Variants in CACNA1A observed in about 807,000 individuals in gnomAD.
CACNA1A encodes the protein calcium voltage-gated channel subunit alpha1 A, also known as voltage-dependent P/Q-type calcium channel subunit alpha-1A.
Under a neutral mutation model 262.4 loss-of-function variants are expected in CACNA1A, and 57 were observed. That is an observed-to-expected ratio of 0.22 (90% confidence interval 0.18 to 0.27). The LOEUF is 0.27. Among genes scored for constraint, CACNA1A ranks in the 10% least tolerant of loss-of-function variants. The pLI is 1.00. For synonymous variants in CACNA1A, 1,431 were observed against 1,419.3 expected (o/e 1.01, Z -0.18); for missense variants, 2,526 against 3,562.8 (o/e 0.71, Z 7.41).
At chr19:13,378,460 G>C (rs947045391) in intron 3 of CACNA1A, among the ~76,000 whole-genome samples, 12 of 152,142 alleles carry the variant, frequency 7.9e-5, no homozygotes, top group African/African-American at 2.9e-4. Context: ...TTTCGTGAAA[G>C]GAAGAGTCGA....
At position 13,298,641 on chromosome 19, in the gene CACNA1A, C is replaced by G; in HGVS notation, c.2992G>C (p.Gly998Arg). The G allele has an allele frequency of 6.6e-7, 1 of 1,520,620 alleles. No individual in the cohort carries two copies. The highest frequency in any genetic ancestry group is 8.8e-7 in the Non-Finnish European group (1 of 1,133,952). The allele number at this position is 1,520,620 out of a possible 1,614,324, so 94.2% of individuals were successfully genotyped here. A position where few individuals can be genotyped will look rare whatever the true frequency, so the allele number is the denominator to read the frequency against. Reference sequence around the variant, plus strand: ...CGGTGCCTTCTCCTGCGCTCGCCCCCGTCGGGGCCCTCGCCCTCGCCCTCG... The same window carrying G: ...CGGTGCCTTCTCCTGCGCTCGCCCCGGTCGGGGCCCTCGCCCTCGCCCTCG... ...GGEGEGEGPDGGERRRRHRHG... is the reference protein window; with the variant it reads ...GGEGEGEGPDRGERRRRHRHG... The change falls in exon 19 of 47, where the codon GGG (glycine) becomes CGG (arginine). Residue 998 changes from glycine (G) to arginine (R), a missense_variant. Coordinates refer to ENST00000360228, the MANE Select transcript of CACNA1A (RefSeq NM_001127222.2).
At chr19:13,254,151 C>T (rs868639940) in intron 29 of CACNA1A, among the ~76,000 whole-genome samples, 3 of 152,176 alleles carry the variant, frequency 2.0e-5, no homozygotes, top group Non-Finnish European at 2.9e-5. Context: ...TTATCATTCC[C>T]ATTTTATTGA....
intron 29 of CACNA1A, 84 bp downstream of exon 29, chr19:13,255,011 C>T (rs1297644909): frequency 2.1e-6 from 3 of 1,439,294 alleles, no homozygotes; most frequent in Non-Finnish European, 2.9e-6. Flanking sequence ...GTCTGGGAAA[C>T]TGCAGATGGT....
chr19:13,285,491 C>G (rs1179603524), intron 20 of CACNA1A, among the ~76,000 whole-genome samples: 1 of 152,092 alleles, frequency 6.6e-6, no homozygotes, highest in Non-Finnish European at 1.5e-5. Flanking sequence ...CCCAGGCGGC[C>G]TGGCCCCCGA....
At chr19:13,459,946 A>T (rs890280966) in intron 1 of CACNA1A, among the ~76,000 whole-genome samples, 9 of 151,990 alleles carry the variant, frequency 5.9e-5, no homozygotes, top group Non-Finnish European at 4.4e-5. Flanking sequence ...TGGCAATAAA[A>T]CCTTAGCACG....
At chr19:13,495,869 A>ACACCAATCCATCCAGTCATC (rs1981440237) in intron 1 of CACNA1A, among the ~76,000 whole-genome samples, 1 of 151,794 alleles carries the variant, frequency 6.6e-6, no homozygotes, top group African/African-American at 2.4e-5. Flanking sequence ...ATTCACTCAT[A>ACACCAATCCATCCAGTCATC]CACCAATCCA....
At chr19:13,425,919 G>A (rs1205278391) in intron 3 of CACNA1A, among the ~76,000 whole-genome samples, 1 of 152,144 alleles carries the variant, frequency 6.6e-6, no homozygotes, top group Non-Finnish European at 1.5e-5. Context: ...TTAGCTGGGT[G>A]TGGTGGCACA....
chr19:13,370,958 T>C (rs919481792), intron 4 of CACNA1A: 1 of 152,094 alleles, frequency 6.6e-6, no homozygotes, highest in Non-Finnish European at 1.5e-5. Context: ...TTTACATTTT[T>C]TTTTGGCTCA....
chr19:13,358,099 T>C (rs990821623), intron 6 of CACNA1A, among the ~76,000 whole-genome samples: 2 of 152,192 alleles, frequency 1.3e-5, no homozygotes, highest in Non-Finnish European at 2.9e-5. Flanking sequence ...ATGGAGACCC[T>C]CCAACCCCCT....
Position 13,234,911 on chromosome 19 carries a change from C to G in CACNA1A, c.5249+10G>C. 1.9e-6 allele frequency: 3 copies of G among 1,567,752 alleles called. No individual in the cohort carries two copies. Among genetic ancestry groups the G allele is most frequent in the Non-Finnish European group, 2.6e-6 (3 of 1,137,692 alleles). ...GGAAACAGAATTATCAGAGCAGGTC[C>G]CCTTCTCACCGGAAGAGAAGCATGA... On this transcript the variant is annotated intron_variant, in intron 34 of 46. Coordinates refer to ENST00000360228, the MANE Select transcript of CACNA1A (RefSeq NM_001127222.2).
intron 26 of CACNA1A, 33 bp from the exon 27 acceptor site, chr19:13,259,734 G>A (rs780901559): frequency 6.2e-7 from 1 of 1,605,974 alleles, no homozygotes; most frequent in South Asian, 1.1e-5. Flanking sequence ...TTAGTAAATG[G>A]GAAAGAGGGG....
In CACNA1A at chr19:13,286,813, G is replaced by C. The variant is rs749854221; in HGVS notation, c.3243C>G (p.Pro1081=). The C allele has an allele frequency of 4.3e-6, 7 of 1,613,424 alleles. No individual in the cohort carries two copies. The African/African-American group carries it at 8.0e-5, about 18-fold the overall frequency. The stretch of plus-strand genomic sequence containing the variant: ...GGCCGGCGTGGCCAAGGCTGCCGTG[G>C]GGAGCGGCCGACTCCGCGGTGGCCA... ...NKLATAESAA[P]HGSLGHAGLP... Residue 1081 remains proline, a synonymous_variant, in exon 20 of 47, where the codon CCC becomes CCG. Transcript: ENST00000360228.
Position 13,298,830 on chromosome 19 carries a change from G to C in CACNA1A, c.2803C>G (p.Arg935Gly). The stretch of plus-strand genomic sequence containing the variant: ...CGGCTCTCCCTGCTGCCCCCCTGCC[G>C]GTGCACGTGCCTCCGGTGGGGGTCC... The part of the protein sequence containing the change: ...AGDPHRRHVH[R>G]QGGSRESRSG... The change falls in exon 19 of 47, where the codon CGG becomes GGG. Residue 935 changes from arginine to glycine, a missense_variant. By Grantham distance (125) the Arg-to-Gly change is moderately radical. This residue lies in a region of CACNA1A where 765 missense variants were observed against 748.6 expected (regional missense o/e 1.02). Coordinates refer to ENST00000360228, the MANE Select transcript of CACNA1A (RefSeq NM_001127222.2). 1.3e-6 allele frequency: 2 copies of C among 1,576,074 alleles called. No individual in the cohort carries two copies. The highest frequency in any genetic ancestry group is 1.7e-6 in the Non-Finnish European group (2 of 1,171,146).
At chr19:13,245,492 G>T in intron 30 of CACNA1A, 1 of 554,124 alleles carries the variant, frequency 1.8e-6, no homozygotes. Flanking sequence ...CCCCAGAGGG[G>T]GCCTCCAGAC....
intron 4 of CACNA1A, among the ~76,000 whole-genome samples, chr19:13,366,883 G>T (rs1021635784): frequency 1.3e-5 from 2 of 152,148 alleles, no homozygotes; most frequent in Non-Finnish European, 2.9e-5. Context: ...TTATTTCACT[G>T]GCTTCTAGTG....
chr19:13,398,671 T>C (rs915578007), intron 3 of CACNA1A, among the ~76,000 whole-genome samples: 13 of 152,212 alleles, frequency 8.5e-5, no homozygotes, highest in Admixed American at 1.3e-4. Flanking sequence ...ATTGTCTACA[T>C]TGGGCAATTG....
Position 13,506,219 on chromosome 19 carries a change from G to A in CACNA1A, c.6C>T (p.Ala2=), listed in dbSNP as rs1259049027. M[A]RFGDEMPARY... The stretch of plus-strand genomic sequence containing the variant: ...GGGCCGGCATCTCGTCTCCGAAGCG[G>A]GCCATTCTGCAAAGAGCAAAGGGCT... Residue 2 remains alanine, a synonymous_variant, in exon 1 of 47, where the codon GCC becomes GCT. Transcript: ENST00000360228. 3.4e-6 allele frequency: 5 copies of A among 1,481,654 alleles called. No homozygotes were observed. Among genetic ancestry groups the A allele is most frequent in the Non-Finnish European group, 3.6e-6 (4 of 1,123,922 alleles). The allele number at this position is 1,481,654 out of a possible 1,614,324, so 91.8% of individuals were successfully genotyped here. A position where few individuals can be genotyped will look rare whatever the true frequency, so the allele number is the denominator to read the frequency against.
chr19:13,299,373 G>A lies in CACNA1A; in HGVS notation c.2280-20C>T, dbSNP rs770185040. ...TCTTTCCTGCAGTGGCATGGTCACA[G>A]GACTTAGAGCATTGCTAGGCACTGT... is the stretch of plus-strand genomic sequence containing the variant. On this transcript the variant is annotated intron_variant, in intron 18 of 46. Coordinates refer to ENST00000360228, the MANE Select transcript of CACNA1A (RefSeq NM_001127222.2). 1 of 1,596,684 alleles carries A rather than the reference G, an allele frequency of 6.3e-7. No homozygotes were observed. The highest frequency in any genetic ancestry group is 1.1e-5 in the South Asian group (1 of 91,026).
At chr19:13,289,783 C>T (rs2057491222) in intron 19 of CACNA1A, among the ~76,000 whole-genome samples, 1 of 152,080 alleles carries the variant, frequency 6.6e-6, no homozygotes, top group Non-Finnish European at 1.5e-5. Context: ...GGACTGGTGA[C>T]CTCTTTATCC....
Sources: allele counts gnomAD v4.1 joint callset (sites outside exome capture counted in the v4.1 genomes callset), GRCh38; gene constraint gnomAD v4.1.1; regional missense constraint gnomAD v4.1.1; transcripts MANE v1.5; gene names NCBI Gene and HGNC (gene_info 2026-07-23, HGNC 2026-07-21).